Variants in CDK5RAP2 observed in about 807,000 individuals in gnomAD.
CDK5RAP2 encodes CDK5 regulatory subunit associated protein 2.
CDK5RAP2 carries 147 observed loss-of-function variants against 232.9 expected under a neutral mutation model. The ratio of observed to expected loss-of-function variants is 0.63; its 90% CI spans 0.55 to 0.72. CDK5RAP2 has a LOEUF of 0.72. CDK5RAP2 is among the 30% of genes least tolerant of loss of function. CDK5RAP2 has a pLI of 0.00. For missense variants in CDK5RAP2, 2,195 were observed against 2,231.5 expected, an observed-to-expected ratio of 0.98 and a Z score of 0.33; for synonymous variants, 833 against 833.7, an observed-to-expected ratio of 1.00 and a Z score of 0.01.
chr9:120,414,308 T>C (rs2034072876), intron 28 of CDK5RAP2, among the ~76,000 whole-genome samples: 1 of 152,138 alleles, frequency 6.6e-6, no homozygotes, highest in African/African-American at 2.4e-5. Flanking sequence ...CTCCGGCCAG[T>C]TCAACCAGAC....
chr9:120,461,866 GTC>G (rs1267665314), intron 18 of CDK5RAP2, among the ~76,000 whole-genome samples: 13 of 152,190 alleles, frequency 8.5e-5, no homozygotes, highest in South Asian at 2.1e-4. Context: ...AAACAAAAGA[GTC>G]TGCACCGAAG....
intron 27 of CDK5RAP2, among the ~76,000 whole-genome samples, chr9:120,418,713 GA>G (rs2034385460): frequency 6.6e-6 from 1 of 152,218 alleles, no homozygotes; most frequent in Non-Finnish European, 1.5e-5. Context: ...ACTAGGGCTA[GA>G]TAACGCTGCT....
At chr9:120,500,126 G>A (rs2039507491) in intron 12 of CDK5RAP2, among the ~76,000 whole-genome samples, 1 of 152,202 alleles carries the variant, frequency 6.6e-6, no homozygotes. Flanking sequence ...AGGCGGGACA[G>A]GTGGCGAGGC....
At chr9:120,432,372 T>C (rs945074632) in intron 25 of CDK5RAP2, among the ~76,000 whole-genome samples, 4 of 152,240 alleles carry the variant, frequency 2.6e-5, no homozygotes, top group African/African-American at 9.6e-5. Context: ...GTGATGCAAC[T>C]ATAGGAGTAT....
At chr9:120,518,401 T>G in intron 12 of CDK5RAP2, 26 bp downstream of exon 12, 1 of 1,594,376 alleles carries the variant, frequency 6.3e-7, no homozygotes, top group South Asian at 1.1e-5. Flanking sequence ...CTGTCCACTG[T>G]GTCAGAAGGG....
chr9:120,536,323 C>T lies in CDK5RAP2; in HGVS notation c.662+49G>A, dbSNP rs748576527. ...ATAAAAGGAAACAATTCTTTCCCCACGCTGCCAGATAATGTGATGTCAGGG... is the reference window on the plus strand; with the variant it reads ...ATAAAAGGAAACAATTCTTTCCCCATGCTGCCAGATAATGTGATGTCAGGG... On this transcript the variant is annotated intron_variant, in intron 7 of 37. Transcript: ENST00000349780. 33 of 1,595,966 alleles carry T rather than the reference C, an allele frequency of 2.1e-5. No homozygotes were observed. In the East Asian group the frequency reaches 2.2e-4, roughly 11 times the overall value.
chr9:120,483,523 T>C (rs1012632072), intron 14 of CDK5RAP2, among the ~76,000 whole-genome samples: 1 of 152,234 alleles, frequency 6.6e-6, no homozygotes, highest in Non-Finnish European at 1.5e-5. Flanking sequence ...GCCTCAAGTC[T>C]GCTCCCAGTC....
At chr9:120,477,285 G>A (rs976114257) in intron 15 of CDK5RAP2, 65 bp downstream of exon 15, 20 of 1,123,904 alleles carry the variant, frequency 1.8e-5, no homozygotes, top group Non-Finnish European at 2.4e-5. Flanking sequence ...GGGTGTGTGC[G>A]TGTATGCGCG....
At chr9:120,482,142 T>C (rs1385950191) in intron 14 of CDK5RAP2, among the ~76,000 whole-genome samples, 1 of 152,144 alleles carries the variant, frequency 6.6e-6, no homozygotes, top group East Asian at 1.9e-4. Context: ...GTATGTAACT[T>C]CAAAGCCAAC....
chr9:120,423,038 T>C (rs1461333570), intron 25 of CDK5RAP2, among the ~76,000 whole-genome samples: 1 of 152,230 alleles, frequency 6.6e-6, no homozygotes, highest in Non-Finnish European at 1.5e-5. Flanking sequence ...ACAGAATATA[T>C]GCTCATTACA....
chr9:120,411,175 T>C (rs1461135096), intron 29 of CDK5RAP2, among the ~76,000 whole-genome samples, 183 bp downstream of exon 29: 1 of 152,186 alleles, frequency 6.6e-6, no homozygotes, highest in African/African-American at 2.4e-5. Context: ...CCTCTCTGAT[T>C]CCAGTATTCT....
In CDK5RAP2 at chr9:120,518,585, A is replaced by G; in HGVS notation, c.1153T>C (p.Ser385Pro). The stretch of plus-strand genomic sequence containing the variant: ...TCTGTACTCTTGGTGAGGTTTTGTG[A>G]GCGCAGCGCAGCCGAAAGGGCTTCC... ...GKEALSAALRSQNLTKSTENH... is the reference protein window; with the variant it reads ...GKEALSAALRPQNLTKSTENH... Residue 385 changes from serine (S) to proline (P), a missense_variant, in exon 12 of 38, where the codon TCA becomes CCA. Ser to Pro is a moderately conservative substitution (Grantham distance 74). Transcript: ENST00000349780. 1 of 1,613,508 alleles carries G rather than the reference A, an allele frequency of 6.2e-7. No homozygotes were observed. The highest frequency in any genetic ancestry group is 8.5e-7 in the Non-Finnish European group (1 of 1,179,918).
chr9:120,515,676 C>T (rs1440966810), intron 12 of CDK5RAP2, among the ~76,000 whole-genome samples: 1 of 152,128 alleles, frequency 6.6e-6, no homozygotes, highest in Non-Finnish European at 1.5e-5. Flanking sequence ...AAAATATTGG[C>T]CAGGTGCCAA....
intron 18 of CDK5RAP2, among the ~76,000 whole-genome samples, chr9:120,463,545 T>C (rs2037207222): frequency 6.6e-6 from 1 of 152,136 alleles, no homozygotes; most frequent in Non-Finnish European, 1.5e-5. Context: ...TAATGAGAGA[T>C]GAAATCCACA....
intron 14 of CDK5RAP2, among the ~76,000 whole-genome samples, chr9:120,480,628 T>A (rs1302016538): frequency 6.6e-6 from 1 of 152,240 alleles, no homozygotes; most frequent in Non-Finnish European, 1.5e-5. Context: ...TTTCCTTTAG[T>A]ATCCTACACA....
chr9:120,578,660 G>C (rs1000119098), intron 1 of CDK5RAP2, among the ~76,000 whole-genome samples: 1 of 151,066 alleles, frequency 6.6e-6, no homozygotes, highest in Non-Finnish European at 1.5e-5. Context: ...TCAACCTTCC[G>C]GGCTCATGCA....
At chr9:120,453,096 A>G (rs2036562448) in intron 21 of CDK5RAP2, among the ~76,000 whole-genome samples, 1 of 152,242 alleles carries the variant, frequency 6.6e-6, no homozygotes, top group African/African-American at 2.4e-5. Flanking sequence ...TTATGTAGCC[A>G]TTACAAGGAA....
chr9:120,533,604 G>T (rs1195324475), intron 7 of CDK5RAP2, among the ~76,000 whole-genome samples: 3 of 151,790 alleles, frequency 2.0e-5, no homozygotes, highest in Non-Finnish European at 4.4e-5. Flanking sequence ...GACCAGCCTG[G>T]CCAACATGGT....
chr9:120,504,524 C>T (rs2039720115), intron 12 of CDK5RAP2, among the ~76,000 whole-genome samples: 1 of 152,198 alleles, frequency 6.6e-6, no homozygotes, highest in Non-Finnish European at 1.5e-5. Flanking sequence ...CTGCCTCTGC[C>T]TTCTTCAGAA....
Sources: allele counts gnomAD v4.1 joint callset (sites outside exome capture counted in the v4.1 genomes callset), GRCh38; gene constraint gnomAD v4.1.1; transcripts MANE v1.5; gene names NCBI Gene and HGNC (gene_info 2026-07-23, HGNC 2026-07-21).